Variants in MEIKIN observed in about 807,000 individuals in gnomAD.
The protein encoded by MEIKIN is meiotic kinetochore factor.
Position 131,854,785 on chromosome 5 carries a change from C to T in MEIKIN, c.824G>A (p.Ser275Asn). 1 of 397,882 alleles carries T rather than the reference C, an allele frequency of 2.5e-6. No individual in the cohort carries two copies. Among genetic ancestry groups the T allele is most frequent in the Non-Finnish European group, 4.4e-6 (1 of 225,572 alleles). 24.6% of individuals were successfully genotyped at this position (397,882 alleles called of 1,614,324 possible). The change falls in exon 10 of 13, where the codon AGT (serine) becomes AAT (asparagine). Residue 275 changes from serine to asparagine, a missense_variant. By Grantham distance (46) the Ser-to-Asn change is conservative. Coordinates refer to ENST00000442687, the MANE Select transcript of MEIKIN (RefSeq NM_001303622.2). ...PGKKNRGLLT[S>N]TPSSETAGFV... The stretch of plus-strand genomic sequence containing the variant: ...ACCAGCTGTCTCTGAAGATGGAGTA[C>T]TTGTTAAAAGGCCTCTGTTTTTCTT...
rs531461266 is a variant in MEIKIN, at chr5:131,914,622, A to G, written c.638+2264T>C. Among the ~76,000 whole-genome samples the G allele has an allele frequency of 6.0e-4, 72 of 120,178 alleles. 1 individual carries two copies. Among genetic ancestry groups the G allele is most frequent in the African/African-American group, 2.2e-3 (71 of 32,224 alleles). The allele number at this position is 120,178 out of a possible 152,430, so 78.8% of individuals were successfully genotyped here. ...GAAGGGAAGGGAAGGAAAGGGAAGG[A>G]AAGGAATTCTTTTTCTTTATAATAT... is the stretch of plus-strand genomic sequence containing the variant. On this transcript the variant is annotated intron_variant, in intron 7 of 12. Coordinates refer to ENST00000442687, the MANE Select transcript of MEIKIN (RefSeq NM_001303622.2).
chr5:131,909,364 T>C (rs1751297210), intron 8 of MEIKIN, among the ~76,000 whole-genome samples: 1 of 152,058 alleles, frequency 6.6e-6, no homozygotes, highest in Admixed American at 6.6e-5. Flanking sequence ...GATAGCTACA[T>C]GAAAAAGAAT....
chr5:131,905,565 C>A (rs1751230633), intron 8 of MEIKIN, among the ~76,000 whole-genome samples: 1 of 151,856 alleles, frequency 6.6e-6, no homozygotes, highest in Admixed American at 6.6e-5. Context: ...AAGAGAAGAG[C>A]CAAATAAACA....
At chr5:131,895,773 C>A (rs191901239) in intron 8 of MEIKIN, among the ~76,000 whole-genome samples, 75 of 152,202 alleles carry the variant, frequency 4.9e-4, no homozygotes, top group African/African-American at 1.8e-3. Context: ...TGATTCTTCT[C>A]TCTTTTATTC....
At chr5:131,818,247 T>C (rs1773137532) in intron 12 of MEIKIN, among the ~76,000 whole-genome samples, 1 of 152,166 alleles carries the variant, frequency 6.6e-6, no homozygotes. Context: ...TCTCTAAAAA[T>C]AATGCTACTA....
At chr5:131,811,473 A>G (rs1343622079) in intron 12 of MEIKIN, among the ~76,000 whole-genome samples, 3 of 151,482 alleles carry the variant, frequency 2.0e-5, no homozygotes, top group African/African-American at 7.3e-5. Context: ...TGCCCAGCTA[A>G]TTTTTGTATT....
At chr5:131,924,725 A>G (rs1470725411) in intron 5 of MEIKIN, among the ~76,000 whole-genome samples, 1 of 151,968 alleles carries the variant, frequency 6.6e-6, no homozygotes, top group Non-Finnish European at 1.5e-5. Context: ...ACGCATTTTA[A>G]TTATTTACTC....
At chr5:131,880,104 T>C (rs1467529854) in intron 8 of MEIKIN, among the ~76,000 whole-genome samples, 1 of 151,730 alleles carries the variant, frequency 6.6e-6, no homozygotes, top group Non-Finnish European at 1.5e-5. Flanking sequence ...ACAATTTTTT[T>C]TGAGACGGAG....
intron 9 of MEIKIN, among the ~76,000 whole-genome samples, chr5:131,862,534 T>A (rs992064583): frequency 2.0e-5 from 3 of 152,178 alleles, no homozygotes; most frequent in African/African-American, 7.2e-5. Flanking sequence ...ACTAAATTCT[T>A]TACTGGAAAT....
chr5:131,867,777 G>A (rs1056499092), intron 9 of MEIKIN, among the ~76,000 whole-genome samples: 1 of 152,130 alleles, frequency 6.6e-6, no homozygotes, highest in Non-Finnish European at 1.5e-5. Flanking sequence ...TTCACCTAAT[G>A]AAGAACATTT....
chr5:131,855,255 T>C (rs1263818762), intron 9 of MEIKIN, among the ~76,000 whole-genome samples: 1 of 152,236 alleles, frequency 6.6e-6, no homozygotes, highest in Admixed American at 6.6e-5. Flanking sequence ...GTATAAGTTA[T>C]TTCTGGAGCT....
At chr5:131,826,741 G>GCT (rs1561724056) in intron 11 of MEIKIN, among the ~76,000 whole-genome samples, 1 of 149,594 alleles carries the variant, frequency 6.7e-6, no homozygotes, top group African/African-American at 2.6e-5. Context: ...CTTCCCCTGC[G>GCT]CTCTCTCTTT....
chr5:131,912,689 C>G (rs543650312), intron 7 of MEIKIN, among the ~76,000 whole-genome samples: 4 of 152,170 alleles, frequency 2.6e-5, no homozygotes, highest in Admixed American at 2.6e-4. Flanking sequence ...AGTACCTTCT[C>G]GCCTCTGAAT....
chr5:131,869,568 C>CA (rs1750449821), intron 9 of MEIKIN, among the ~76,000 whole-genome samples: 2 of 152,084 alleles, frequency 1.3e-5, no homozygotes, highest in African/African-American at 4.8e-5. Flanking sequence ...GGCCTTGTTA[C>CA]AAAAAACAAA....
intron 9 of MEIKIN, among the ~76,000 whole-genome samples, chr5:131,875,696 A>C (rs1433760688): frequency 6.6e-6 from 1 of 152,326 alleles, no homozygotes; most frequent in South Asian, 2.1e-4. Flanking sequence ...AGTCAATCTT[A>C]AGCCAAAAGA....
At chr5:131,822,593 G>C (rs1749534485) in intron 11 of MEIKIN, among the ~76,000 whole-genome samples, 1 of 151,934 alleles carries the variant, frequency 6.6e-6, no homozygotes, top group African/African-American at 2.4e-5. Flanking sequence ...TTGTCCTCTT[G>C]CTTTTTAACT....
intron 8 of MEIKIN, among the ~76,000 whole-genome samples, chr5:131,882,330 A>T (rs894958976): frequency 6.6e-6 from 1 of 152,228 alleles, no homozygotes; most frequent in Non-Finnish European, 1.5e-5. Flanking sequence ...TTAGAACCTT[A>T]GGACCACAGA....
intron 11 of MEIKIN, among the ~76,000 whole-genome samples, chr5:131,837,305 C>A (rs1312828386): frequency 6.6e-6 from 1 of 152,120 alleles, no homozygotes; most frequent in Non-Finnish European, 1.5e-5. Flanking sequence ...ATACTTCCCC[C>A]TTTGTTCTTC....
intron 9 of MEIKIN, among the ~76,000 whole-genome samples, chr5:131,860,754 C>CTTTTTTTT (rs35117395): frequency 5.9e-5 from 3 of 51,012 alleles, no homozygotes; most frequent in Admixed American, 3.4e-4. Flanking sequence ...GCCTGTTTGG[C>CTTTTTTTT]TTTTTTTTTT....
Sources: allele counts gnomAD v4.1 joint callset (sites outside exome capture counted in the v4.1 genomes callset), GRCh38; gene constraint gnomAD v4.1.1; transcripts MANE v1.5; gene names NCBI Gene and HGNC (gene_info 2026-07-23, HGNC 2026-07-21).